The following UBAC2 variants were observed in gnomAD, a reference collection of about 807,000 sequenced individuals.
UBAC2 encodes the protein UBA domain containing 2.
A neutral mutation model predicts 44.0 loss-of-function variants in UBAC2; 26 were observed. The ratio of observed to expected loss-of-function variants is 0.59; its 90% CI spans 0.43 to 0.82. The LOEUF is 0.82. Ranked by LOEUF, UBAC2 falls within the 40% of genes least tolerant of loss-of-function variation. The pLI is 0.00. For missense variants in UBAC2, 329 were observed against 419.4 expected (o/e 0.78, Z 1.88); for synonymous variants, 155 against 154.3 (o/e 1.00, Z -0.04).
At chr13:99,283,713 CTTTTTTTTTTTTTTTTTTTTTTTTTTT>C (rs71118470) in intron 4 of UBAC2, among the ~76,000 whole-genome samples, 2 of 62,564 alleles carry the variant, frequency 3.2e-5, no homozygotes, top group Non-Finnish European at 5.9e-5. Flanking sequence ...TTAATGCCAC[CTTTTTTTTTTTTTTTTTTTTTTTTTTT>C]TTTTTTTTTT....
rs542805281 is a variant in UBAC2, at chr13:99,284,242, A to G, written c.390-29855A>G. 3.3e-5 allele frequency among the ~76,000 whole-genome samples: 5 copies of G among 152,342 alleles called. No homozygotes were observed. In the South Asian group the frequency reaches 8.3e-4, roughly 25 times the overall value. On this transcript the variant is annotated intron_variant, in intron 4 of 8. Transcript: ENST00000403766. ...CACAATGCAAAGAAAAAAAGTTCCA[A>G]TTGGGGGGAAGTGCCCCCATGAATG...
At chr13:99,269,410 C>T (rs1470314716) in intron 4 of UBAC2, among the ~76,000 whole-genome samples, 4 of 152,160 alleles carry the variant, frequency 2.6e-5, no homozygotes, top group Non-Finnish European at 4.4e-5. Flanking sequence ...GGACATAATT[C>T]ACTGCAATGT....
chr13:99,360,001 T>C (rs890572261), intron 7 of UBAC2, among the ~76,000 whole-genome samples: 4 of 152,236 alleles, frequency 2.6e-5, no homozygotes, highest in Admixed American at 6.5e-5. Context: ...TTGTTTCCAA[T>C]GGCCAACAGT....
intron 8 of UBAC2, among the ~76,000 whole-genome samples, chr13:99,375,799 C>G (rs1000353746): frequency 7.5e-6 from 1 of 132,974 alleles, no homozygotes; most frequent in Non-Finnish European, 1.5e-5. Context: ...TTTCCTTTTT[C>G]CCTTTTTTTT....
chr13:99,271,769 T>G (rs981255343), intron 4 of UBAC2, among the ~76,000 whole-genome samples: 3 of 152,178 alleles, frequency 2.0e-5, no homozygotes, highest in Non-Finnish European at 4.4e-5. Context: ...TCATTTGCTC[T>G]TCGAGTCCCC....
chr13:99,270,744 G>A (rs1024212781), intron 4 of UBAC2, among the ~76,000 whole-genome samples: 6 of 152,186 alleles, frequency 3.9e-5, no homozygotes, highest in Non-Finnish European at 7.3e-5. Flanking sequence ...AGTACATTGC[G>A]TACTTTTATT....
chr13:99,297,558 A>G (rs1193026020), intron 4 of UBAC2, among the ~76,000 whole-genome samples: 1 of 152,168 alleles, frequency 6.6e-6, no homozygotes, highest in Non-Finnish European at 1.5e-5. Flanking sequence ...GATTGTGGTC[A>G]TGTTATGTTA....
chr13:99,349,625 A>G (rs1050266771), intron 7 of UBAC2, among the ~76,000 whole-genome samples: 32 of 152,218 alleles, frequency 2.1e-4, no homozygotes, highest in Non-Finnish European at 8.8e-5. Context: ...CCTCTTAGGT[A>G]GCCGAAGCTG....
At chr13:99,267,906 C>T (rs1374590413) in intron 4 of UBAC2, among the ~76,000 whole-genome samples, 1 of 152,296 alleles carries the variant, frequency 6.6e-6, no homozygotes, top group East Asian at 1.9e-4. Context: ...ACTTTTGTAA[C>T]CACCCTGTGG....
intron 8 of UBAC2, among the ~76,000 whole-genome samples, chr13:99,369,414 A>T (rs2045376840): frequency 6.6e-6 from 1 of 152,182 alleles, no homozygotes; most frequent in South Asian, 2.1e-4. Context: ...AGCGACTGTG[A>T]ACCGTTCTGT....
intron 8 of UBAC2, among the ~76,000 whole-genome samples, chr13:99,384,972 C>T (rs1207502451): frequency 6.6e-6 from 1 of 152,262 alleles, no homozygotes; most frequent in East Asian, 1.9e-4. Flanking sequence ...CCACTTTACC[C>T]TCAGAAGCCC....
chr13:99,308,361 A>C (rs2044367017), intron 4 of UBAC2, among the ~76,000 whole-genome samples: 2 of 152,154 alleles, frequency 1.3e-5, no homozygotes, highest in South Asian at 4.1e-4. Context: ...CATTATCCTT[A>C]TGCTTGTGGA....
intron 4 of UBAC2, among the ~76,000 whole-genome samples, chr13:99,283,629 C>T (rs1594085725): frequency 1.3e-5 from 2 of 149,758 alleles, no homozygotes; most frequent in African/African-American, 4.9e-5. Context: ...CACTAAGTGA[C>T]GGCTACTTAA....
At chr13:99,322,943 A>G (rs911603298) in intron 6 of UBAC2, among the ~76,000 whole-genome samples, 6 of 152,152 alleles carry the variant, frequency 3.9e-5, no homozygotes, top group African/African-American at 1.4e-4. Context: ...TTTAAAGACA[A>G]ACAAAAAAAC....
chr13:99,332,107 G>A (rs1033961132), intron 6 of UBAC2, among the ~76,000 whole-genome samples: 1 of 152,222 alleles, frequency 6.6e-6, no homozygotes, highest in African/African-American at 2.4e-5. Context: ...CCAGTAGATG[G>A]TCGGTTTCTT....
chr13:99,245,702 G>A (rs575342474), intron 4 of UBAC2, among the ~76,000 whole-genome samples: 2 of 152,318 alleles, frequency 1.3e-5, no homozygotes, highest in South Asian at 4.1e-4. Flanking sequence ...TTAGTTGGGC[G>A]TGGTGGCACG....
At chr13:99,369,908 G>A (rs968189608) in intron 8 of UBAC2, among the ~76,000 whole-genome samples, 5 of 152,072 alleles carry the variant, frequency 3.3e-5, no homozygotes, top group Non-Finnish European at 7.4e-5. Flanking sequence ...TTAATTTGAG[G>A]GACATTCTGT....
At chr13:99,319,131 T>C (rs2044535592) in intron 6 of UBAC2, among the ~76,000 whole-genome samples, 1 of 152,172 alleles carries the variant, frequency 6.6e-6, no homozygotes, top group Non-Finnish European at 1.5e-5. Context: ...AACCTCAGTA[T>C]GTTTGCTGGA....
At chr13:99,298,509 T>C (rs1396179638) in intron 4 of UBAC2, among the ~76,000 whole-genome samples, 1 of 152,152 alleles carries the variant, frequency 6.6e-6, no homozygotes. Flanking sequence ...GAGATAGATA[T>C]AAAGCCTTGA....
Sources: gnomAD v4.1 joint callset for allele counts (sites outside exome capture counted in the v4.1 genomes callset) on GRCh38, gnomAD v4.1.1 for gene constraint, MANE v1.5 for transcripts, NCBI Gene and HGNC (gene_info 2026-07-23, HGNC 2026-07-21) for gene names.